The following UGT1A6 variants were observed in gnomAD, a reference collection of about 807,000 sequenced individuals.
UGT1A6 encodes UDP-glucuronosyltransferase 1A6.
In UGT1A6, 32 loss-of-function variants were observed where a neutral mutation model predicts 44.4. That is an observed-to-expected ratio of 0.72 (90% CI 0.54 to 0.97). The LOEUF (loss-of-function observed/expected upper bound fraction) is 0.97. UGT1A6 is among the 50% of genes least tolerant of loss of function. The pLI is 0.00. For synonymous variants in UGT1A6, 238 were observed against 248.5 expected (o/e 0.96, Z 0.40); for missense variants, 685 against 661.9 (o/e 1.03, Z -0.38).
intron 1 of UGT1A6, chr2:233,755,168 T>C (rs1695794635): frequency 1.6e-6 from 2 of 1,266,444 alleles, no homozygotes; most frequent in Non-Finnish European, 1.1e-6. Flanking sequence ...CCTCGGGGTT[T>C]TTGTCGGGGT....
At chr2:233,760,288 A>G (rs1697385056) in intron 1 of UGT1A6, 1 of 1,613,154 alleles carries the variant, frequency 6.2e-7, no homozygotes, top group Non-Finnish European at 8.5e-7. Context: ...CAAAGGCGCC[A>G]TGGCTGTGGA....
At position 233,767,839 on chromosome 2, in the gene UGT1A6, C is replaced by A; in HGVS notation, c.994-10C>A. The A allele has an allele frequency of 6.2e-7, 1 of 1,614,144 alleles. No individual in the cohort carries two copies. Among genetic ancestry groups the A allele is most frequent in the Non-Finnish European group, 8.5e-7 (1 of 1,180,028 alleles). ...CTTTCTTTACGTTCTGCTCTTTTTG[C>A]CCCTCCCAGGTCCTGTGGCGGTACA... On this transcript the variant is annotated splice_polypyrimidine_tract_variant and intron_variant, in intron 2 of 4. Coordinates refer to ENST00000305139, the MANE Select transcript of UGT1A6 (RefSeq NM_001072.4).
chr2:233,721,676 A>T (rs1442079995), intron 1 of UGT1A6: 1 of 291,948 alleles, frequency 3.4e-6, no homozygotes, highest in African/African-American at 2.2e-5. Context: ...TTAATCCAAT[A>T]ATGAGCTCTG....
intron 1 of UGT1A6, chr2:233,743,185 G>T (rs546323978): frequency 5.4e-6 from 2 of 372,628 alleles, no homozygotes; most frequent in Non-Finnish European, 1.1e-5. Flanking sequence ...ATGTGGACTG[G>T]AATTACTTGG....
At chr2:233,713,712 A>G (rs1296913167) in intron 1 of UGT1A6, 2 of 1,613,852 alleles carry the variant, frequency 1.2e-6, no homozygotes, top group East Asian at 2.2e-5. Flanking sequence ...GCTTTTTCAG[A>G]GAGAGGTGTC....
At chr2:233,735,346 T>A (rs559111340) in intron 1 of UGT1A6, among the ~76,000 whole-genome samples, 5 of 152,212 alleles carry the variant, frequency 3.3e-5, no homozygotes, top group African/African-American at 1.2e-4. Context: ...GCTTTTTTTT[T>A]GCTTTCCATT....
intron 1 of UGT1A6, among the ~76,000 whole-genome samples, chr2:233,735,435 G>C (rs2078651212): frequency 6.6e-6 from 1 of 152,062 alleles, no homozygotes; most frequent in South Asian, 2.1e-4. Flanking sequence ...CCTGAATACA[G>C]CATACCGATG....
intron 4 of UGT1A6, 114 bp downstream of exon 4, chr2:233,768,553 AT>A (rs1280927222): frequency 2.3e-5 from 34 of 1,477,264 alleles, no homozygotes; most frequent in Non-Finnish European, 2.9e-5. Context: ...ATAAAAACAA[AT>A]ACATAAAAAT....
intron 1 of UGT1A6, chr2:233,754,982 G>T (rs777457239): frequency 2.3e-5 from 30 of 1,295,872 alleles, no homozygotes; most frequent in Middle Eastern, 2.1e-4. Flanking sequence ...AGACCTCGGC[G>T]GGGTCACGGA....
Position 233,693,273 on chromosome 2 carries a change from G to T in UGT1A6, c.269G>T (p.Arg90Leu). ...TATGACCAAGAAGAGCTGAAGAACC[G>T]TTACCAATCATTTGGAAACAATCAC... ...VPYDQEELKN[R>L]YQSFGNNHFA... The change falls in exon 1 of 5, where the codon CGT becomes CTT. Residue 90 changes from arginine (R) to leucine (L), a missense_variant. Coordinates refer to ENST00000305139, the MANE Select transcript of UGT1A6 (RefSeq NM_001072.4). 6.2e-7 allele frequency: 1 copy of T among 1,614,074 alleles called. No individual in the cohort carries two copies. Among genetic ancestry groups the T allele is most frequent in the Non-Finnish European group, 8.5e-7 (1 of 1,179,992 alleles).
intron 1 of UGT1A6, among the ~76,000 whole-genome samples, chr2:233,720,129 A>G (rs1275543977): frequency 1.3e-5 from 2 of 152,210 alleles, no homozygotes; most frequent in Admixed American, 6.5e-5. Context: ...AGGTGACCAC[A>G]GGAGACCTAG....
At chr2:233,706,372 T>C (rs2075905124) in intron 1 of UGT1A6, among the ~76,000 whole-genome samples, 1 of 152,222 alleles carries the variant, frequency 6.6e-6, no homozygotes, top group South Asian at 2.1e-4. Flanking sequence ...TAGGCCATTG[T>C]ACAAAAGCAG....
chr2:233,722,629 T>C (rs892720273), intron 1 of UGT1A6, among the ~76,000 whole-genome samples: 4 of 152,210 alleles, frequency 2.6e-5, no homozygotes, highest in African/African-American at 7.2e-5. Flanking sequence ...TAATGAAGCA[T>C]TGAGGGCTCG....
chr2:233,724,006 C>T (rs1270251219), intron 1 of UGT1A6, among the ~76,000 whole-genome samples: 22 of 69,754 alleles, frequency 3.2e-4, no homozygotes, highest in Admixed American at 5.0e-4. Flanking sequence ...TCCACAAAGC[C>T]GCCATTGTCA....
At chr2:233,692,842 T>C, upstream of UGT1A6, 7 of 1,452,474 alleles carry the variant, frequency 4.8e-6, no homozygotes, top group Non-Finnish European at 6.3e-6. Flanking sequence ...AATGGTTAAA[T>C]ATTAATTTGG....
chr2:233,748,342 C>T lies in UGT1A6; in HGVS notation c.862-18692C>T, dbSNP rs117379305. ...ACTGATGTGACTCATGGAGACTGTT[C>T]GTTTGTAAAGGCACCATCTTCATGG... On this transcript the variant is annotated intron_variant, in intron 1 of 4. Transcript: ENST00000305139. 1.9e-3 allele frequency among the ~76,000 whole-genome samples: 287 copies of T among 151,736 alleles called. 5 individuals carry two copies. The East Asian group carries it at 0.054, about 29-fold the overall frequency.
intron 1 of UGT1A6, chr2:233,747,230 A>AGGTTCCCCT: frequency 6.2e-7 from 1 of 1,605,032 alleles, no homozygotes; most frequent in South Asian, 1.1e-5. Context: ...ACAGGACCCC[A>AGGTTCCCCT]GGTTCCCCTG....
intron 1 of UGT1A6, among the ~76,000 whole-genome samples, chr2:233,701,695 C>A (rs560963987): frequency 6.6e-6 from 1 of 152,306 alleles, no homozygotes; most frequent in East Asian, 1.9e-4. Flanking sequence ...GAAAATCACT[C>A]AAAACCGCTC....
At chr2:233,720,018 G>C (rs2076822730) in intron 1 of UGT1A6, among the ~76,000 whole-genome samples, 1 of 152,130 alleles carries the variant, frequency 6.6e-6, no homozygotes, top group Middle Eastern at 3.2e-3. Flanking sequence ...ATCCATCCTG[G>C]GGTTTTTGCT....
Sources: allele counts gnomAD v4.1 joint callset (sites outside exome capture counted in the v4.1 genomes callset), GRCh38; gene constraint gnomAD v4.1.1; transcripts MANE v1.5; gene names NCBI Gene and HGNC (gene_info 2026-07-23, HGNC 2026-07-21).